THSD7B: variants seen among roughly 807,000 people sequenced by gnomAD.
The protein encoded by THSD7B is thrombospondin type-1 domain-containing protein 7B.
THSD7B carries 138 observed loss-of-function variants against 213.6 expected under a neutral mutation model. The ratio of observed to expected loss-of-function variants is 0.65; its 90% CI spans 0.56 to 0.74. The LOEUF (loss-of-function observed/expected upper bound fraction) is 0.74. Ranked by LOEUF, THSD7B falls within the 30% of genes least tolerant of loss-of-function variation. THSD7B has a pLI of 0.00. For synonymous variants in THSD7B, 742 were observed against 687.0 expected (o/e 1.08, Z -1.25); for missense variants, 1,931 against 1,991.5 (o/e 0.97, Z 0.58).
chr2:137,291,666 TCTC>T (rs1356733573), intron 12 of THSD7B, among the ~76,000 whole-genome samples: 4 of 152,168 alleles, frequency 2.6e-5, no homozygotes, highest in African/African-American at 9.6e-5. Flanking sequence ...GAGAGTTTAA[TCTC>T]CTAGAGAGTA....
intron 12 of THSD7B, among the ~76,000 whole-genome samples, chr2:137,341,930 T>A (rs1455720387): frequency 6.6e-6 from 1 of 151,568 alleles, no homozygotes; most frequent in East Asian, 1.9e-4. Context: ...TTTTGTTTGT[T>A]TTTTTGTTTT....
intron 2 of THSD7B, among the ~76,000 whole-genome samples, chr2:136,912,990 T>A (rs1684292147): frequency 6.6e-6 from 1 of 151,640 alleles, no homozygotes; most frequent in Non-Finnish European, 1.5e-5. Flanking sequence ...ATTGGAAGAG[T>A]TTGAAGGGCT....
At chr2:136,963,323 A>G (rs1395117444) in intron 2 of THSD7B, among the ~76,000 whole-genome samples, 1 of 152,148 alleles carries the variant, frequency 6.6e-6, no homozygotes. Context: ...CTCATAAGAA[A>G]TGAAAAAGAA....
At chr2:137,214,979 C>T (rs1681203635) in intron 7 of THSD7B, among the ~76,000 whole-genome samples, 1 of 152,166 alleles carries the variant, frequency 6.6e-6, no homozygotes, top group Admixed American at 6.5e-5. Context: ...AATGGTATTT[C>T]TGGTTCTAGA....
intron 14 of THSD7B, among the ~76,000 whole-genome samples, chr2:137,426,327 A>T (rs1346759700): frequency 6.6e-6 from 1 of 152,142 alleles, no homozygotes; most frequent in East Asian, 1.9e-4. Context: ...AGAAAAAAAA[A>T]ATCCTACAAT....
At chr2:137,242,372 A>G (rs1159905462) in intron 9 of THSD7B, 85 bp from the exon 10 acceptor site, 5 of 1,027,204 alleles carry the variant, frequency 4.9e-6, no homozygotes, top group Non-Finnish European at 3.0e-6. Context: ...GGCCCTTAAT[A>G]TTTTCGGTTC....
intron 2 of THSD7B, among the ~76,000 whole-genome samples, chr2:136,928,334 T>A (rs185809074): frequency 7.2e-5 from 11 of 152,348 alleles, no homozygotes; most frequent in Admixed American, 6.5e-4. Flanking sequence ...TGGTTTCTAC[T>A]AAGCACATAT....
chr2:137,232,868 A>G (rs554503200), intron 8 of THSD7B, 31 bp from the exon 9 acceptor site: 75 of 1,601,504 alleles, frequency 4.7e-5, no homozygotes, highest in Non-Finnish European at 5.9e-5. Context: ...AGCAACCACT[A>G]TGTATTACCT....
At position 136,960,388 on chromosome 2, in the gene THSD7B, C is replaced by G. The variant is rs373422915; in HGVS notation, c.139+78071C>G. Among the ~76,000 whole-genome samples, 43 of 152,236 alleles carry G rather than the reference C, an allele frequency of 2.8e-4. 1 individual carries two copies. In the South Asian group the frequency reaches 8.5e-3, roughly 30 times the overall value. ...TCCTGGGCTTAAGCAATCTTCCCAC[C>G]TTGGCCGCTTGAAGTGCTGGGATTA... On this transcript the variant is annotated intron_variant, in intron 2 of 27. Coordinates refer to ENST00000409968, the MANE Select transcript of THSD7B (RefSeq NM_001316349.2).
At chr2:137,052,397 T>C (rs1573790685) in intron 2 of THSD7B, among the ~76,000 whole-genome samples, 1 of 152,200 alleles carries the variant, frequency 6.6e-6, no homozygotes, top group East Asian at 1.9e-4. Context: ...AGTCAAACTT[T>C]TAATACTTAA....
chr2:137,549,310 CTTTTTTTT>C (rs1027305359), intron 15 of THSD7B, among the ~76,000 whole-genome samples: 2 of 25,206 alleles, frequency 7.9e-5, no homozygotes, highest in South Asian at 2.0e-3. Context: ...TTCAGATGCT[CTTTTTTTT>C]TTTTTTTTTT....
intron 14 of THSD7B, among the ~76,000 whole-genome samples, chr2:137,440,789 C>T (rs1357278120): frequency 6.6e-6 from 1 of 151,978 alleles, no homozygotes; most frequent in African/African-American, 2.4e-5. Flanking sequence ...TATTCTGGTC[C>T]AATATATTGG....
chr2:137,047,402 G>T (rs1229178484), intron 2 of THSD7B, among the ~76,000 whole-genome samples: 2 of 152,198 alleles, frequency 1.3e-5, no homozygotes, highest in Non-Finnish European at 2.9e-5. Context: ...CCGAGCACAG[G>T]CTCAGGTGCT....
intron 4 of THSD7B, among the ~76,000 whole-genome samples, chr2:137,098,380 C>T (rs1688078895): frequency 1.3e-5 from 2 of 152,168 alleles, no homozygotes; most frequent in Non-Finnish European, 2.9e-5. Context: ...ACACAACAGA[C>T]AAACTTCCCT....
chr2:137,026,320 A>G (rs1686554981), intron 2 of THSD7B, among the ~76,000 whole-genome samples: 2 of 152,158 alleles, frequency 1.3e-5, no homozygotes, highest in African/African-American at 4.8e-5. Flanking sequence ...ATCGTTCCCT[A>G]TAGTTCCTTG....
chr2:137,322,787 C>T (rs1684289118), intron 12 of THSD7B, among the ~76,000 whole-genome samples: 1 of 152,156 alleles, frequency 6.6e-6, no homozygotes, highest in African/African-American at 2.4e-5. Context: ...ACTCTCTAAT[C>T]CATTCTGATT....
chr2:137,151,224 C>T (rs1222886011), intron 5 of THSD7B, among the ~76,000 whole-genome samples: 1 of 152,176 alleles, frequency 6.6e-6, no homozygotes, highest in Non-Finnish European at 1.5e-5. Context: ...TGTTATTACA[C>T]TTAGCTTAAA....
intron 15 of THSD7B, among the ~76,000 whole-genome samples, chr2:137,540,000 A>G (rs1392565497): frequency 6.6e-6 from 1 of 151,720 alleles, no homozygotes; most frequent in Non-Finnish European, 1.5e-5. Context: ...TGGTCACACA[A>G]TATAAAAACT....
chr2:137,178,460 G>T (rs1302244335), intron 7 of THSD7B, among the ~76,000 whole-genome samples: 1 of 152,170 alleles, frequency 6.6e-6, no homozygotes, highest in Non-Finnish European at 1.5e-5. Flanking sequence ...AGTTGGAAGT[G>T]TCAATAAGAT....
Sources: allele counts gnomAD v4.1 joint callset (sites outside exome capture counted in the v4.1 genomes callset), GRCh38; gene constraint gnomAD v4.1.1; transcripts MANE v1.5; gene names NCBI Gene and HGNC (gene_info 2026-07-23, HGNC 2026-07-21).